Variants in ZFYVE9 observed in about 807,000 individuals in gnomAD.
ZFYVE9 encodes the protein zinc finger FYVE-type containing 9.
A neutral mutation model predicts 126.7 loss-of-function variants in ZFYVE9; 43 were observed. The ratio of observed to expected loss-of-function variants is 0.34; its 90% confidence interval spans 0.27 to 0.44. The LOEUF (loss-of-function observed/expected upper bound fraction) is 0.44. Ranked by LOEUF, ZFYVE9 falls within the 20% of genes least tolerant of loss-of-function variation. The pLI, the probability that ZFYVE9 is intolerant of heterozygous loss-of-function variation, is 1.00. For missense variants in ZFYVE9, 1,476 were observed against 1,697.0 expected (o/e 0.87, Z 2.29); for synonymous variants, 521 against 597.4 (o/e 0.87, Z 1.87).
At chr1:52,267,548 T>C (rs1381420677) in intron 6 of ZFYVE9, among the ~76,000 whole-genome samples, 1 of 152,182 alleles carries the variant, frequency 6.6e-6, no homozygotes, top group Non-Finnish European at 1.5e-5. Flanking sequence ...TCATTAATTT[T>C]ATCTTTTCAT....
chr1:52,182,920 A>G (rs1047319711), intron 1 of ZFYVE9, among the ~76,000 whole-genome samples: 1 of 152,152 alleles, frequency 6.6e-6, no homozygotes, highest in Non-Finnish European at 1.5e-5. Context: ...ACATATAACT[A>G]TAAAAAGAAT....
At chr1:52,180,601 TAA>T (rs1644689051) in intron 1 of ZFYVE9, 2 of 558,916 alleles carry the variant, frequency 3.6e-6, no homozygotes, top group Non-Finnish European at 6.4e-6. Context: ...CTGGATTTTT[TAA>T]AAAAGGATAA....
intron 1 of ZFYVE9, among the ~76,000 whole-genome samples, chr1:52,154,856 G>T (rs1350371199): frequency 6.6e-6 from 1 of 152,096 alleles, no homozygotes; most frequent in Non-Finnish European, 1.5e-5. Context: ...TTTTCAGCTT[G>T]CATTCACATA....
chr1:52,158,988 T>G (rs1467823166), intron 1 of ZFYVE9, among the ~76,000 whole-genome samples: 1 of 152,076 alleles, frequency 6.6e-6, no homozygotes, highest in Non-Finnish European at 1.5e-5. Context: ...GAGACGGGGT[T>G]TCACCATGTT....
chr1:52,238,869 A>C lies in ZFYVE9; in HGVS notation c.1452A>C (p.Gln484His), dbSNP rs753574411. ...ATGGTTGTGATTCCTATGGAATGCAAGACCCAGGTGTTTCTTTTGTTCCAA... is the reference window on the plus strand; with the variant it reads ...ATGGTTGTGATTCCTATGGAATGCACGACCCAGGTGTTTCTTTTGTTCCAA... Reference protein sequence around the residue: ...LSNGCDSYGMQDPGVSFVPKT... With the variant: ...LSNGCDSYGMHDPGVSFVPKT... The change falls in exon 4 of 19, where the codon CAA (glutamine) becomes CAC (histidine). Residue 484 changes from glutamine (Q) to histidine (H), a missense_variant. Transcript: ENST00000287727. 6.8e-6 allele frequency: 11 copies of C among 1,614,052 alleles called. No homozygotes were observed. Among genetic ancestry groups the C allele is most frequent in the Non-Finnish European group, 8.5e-6 (10 of 1,180,010 alleles).
chr1:52,276,185 C>T (rs1367909488), intron 8 of ZFYVE9, among the ~76,000 whole-genome samples: 1 of 152,070 alleles, frequency 6.6e-6, no homozygotes, highest in Non-Finnish European at 1.5e-5. Flanking sequence ...GGATTACAGG[C>T]GTGAGCTACC....
chr1:52,256,575 AC>A (rs1645521901), intron 4 of ZFYVE9, among the ~76,000 whole-genome samples: 1 of 152,168 alleles, frequency 6.6e-6, no homozygotes, highest in African/African-American at 2.4e-5. Context: ...ATGGGGTTTC[AC>A]CATGTTGGCT....
chr1:52,279,962 A>T (rs1359732382), intron 9 of ZFYVE9, among the ~76,000 whole-genome samples: 1 of 152,150 alleles, frequency 6.6e-6, no homozygotes, highest in Non-Finnish European at 1.5e-5. Context: ...CTTACTTGCT[A>T]ATCACACTCT....
At chr1:52,163,667 A>G (rs1328347395) in intron 1 of ZFYVE9, among the ~76,000 whole-genome samples, 1 of 152,158 alleles carries the variant, frequency 6.6e-6, no homozygotes, top group African/African-American at 2.4e-5. Context: ...TGTGCCATAA[A>G]TGGCCACATC....
In ZFYVE9 at chr1:52,266,695, C is replaced by A; in HGVS notation, c.2319C>A (p.Ser773Arg). 1 of 1,609,446 alleles carries A rather than the reference C, an allele frequency of 6.2e-7. No individual in the cohort carries two copies. The highest frequency in any genetic ancestry group is 8.5e-7 in the Non-Finnish European group (1 of 1,178,018). ...ACATGATGAGTGCCTCAAGCCAGAG[C>A]CCTAACCCTAACAATCCTGCTGAAT... is the stretch of plus-strand genomic sequence containing the variant. ...WENMMSASSQ[S>R]PNPNNPAEYC... The change falls in exon 6 of 19, where the codon AGC (serine) becomes AGA (arginine). Residue 773 changes from serine to arginine, a missense_variant. Ser to Arg is a moderately radical substitution (Grantham distance 110). This residue lies in a region of ZFYVE9 where 669 missense variants were observed against 902.4 expected (regional missense o/e 0.74). Transcript: ENST00000287727.
chr1:52,184,494 C>T (rs1346196750), intron 1 of ZFYVE9, among the ~76,000 whole-genome samples: 1 of 146,782 alleles, frequency 6.8e-6, no homozygotes, highest in Non-Finnish European at 1.5e-5. Context: ...GATCCACCTG[C>T]CTTTTTCTCC....
intron 13 of ZFYVE9, among the ~76,000 whole-genome samples, chr1:52,320,806 A>T (rs1163368706): frequency 6.6e-6 from 1 of 152,220 alleles, no homozygotes; most frequent in Admixed American, 6.5e-5. Flanking sequence ...GTATATGCAC[A>T]TGTCAAAATT....
chr1:52,302,720 C>T (rs912692091), intron 12 of ZFYVE9, among the ~76,000 whole-genome samples: 1 of 151,632 alleles, frequency 6.6e-6, no homozygotes, highest in African/African-American at 2.4e-5. Flanking sequence ...CACTGCACTC[C>T]AGCCTGGTTA....
At chr1:52,200,022 T>G (rs1166783765) in intron 1 of ZFYVE9, among the ~76,000 whole-genome samples, 2 of 77,566 alleles carry the variant, frequency 2.6e-5, no homozygotes, top group Non-Finnish European at 6.8e-5. Flanking sequence ...TGTTTTTTGA[T>G]CCAGTTTTTT....
At chr1:52,206,335 T>G (rs1417894917) in intron 1 of ZFYVE9, among the ~76,000 whole-genome samples, 2 of 152,184 alleles carry the variant, frequency 1.3e-5, no homozygotes, top group Non-Finnish European at 2.9e-5. Context: ...AGTATATGTG[T>G]GTATGGCGTG....
chr1:52,220,426 A>AC (rs1645113100), intron 2 of ZFYVE9, among the ~76,000 whole-genome samples: 1 of 152,144 alleles, frequency 6.6e-6, no homozygotes, highest in African/African-American at 2.4e-5. Context: ...AGTGGGTGAG[A>AC]TGGTCTACTA....
intron 1 of ZFYVE9, among the ~76,000 whole-genome samples, chr1:52,208,821 C>T (rs1321973004): frequency 6.6e-6 from 1 of 152,216 alleles, no homozygotes; most frequent in Non-Finnish European, 1.5e-5. Flanking sequence ...GCATGAACTA[C>T]CATGCCCGGC....
At chr1:52,261,329 C>G (rs1193970266) in intron 4 of ZFYVE9, among the ~76,000 whole-genome samples, 1 of 151,544 alleles carries the variant, frequency 6.6e-6, no homozygotes, top group Non-Finnish European at 1.5e-5. Flanking sequence ...CTTCAAACTC[C>G]TGGCTTCAAG....
At chr1:52,151,520 CTT>C (rs1237189041) in intron 1 of ZFYVE9, among the ~76,000 whole-genome samples, 11 of 142,132 alleles carry the variant, frequency 7.7e-5, no homozygotes, top group Admixed American at 2.8e-4. Flanking sequence ...TGTGTTTTTT[CTT>C]TTTTTTTTTT....
Sources: gnomAD v4.1 joint callset for allele counts (sites outside exome capture counted in the v4.1 genomes callset) on GRCh38, gnomAD v4.1.1 for gene constraint, gnomAD v4.1.1 regional missense constraint, MANE v1.5 for transcripts, NCBI Gene and HGNC (gene_info 2026-07-23, HGNC 2026-07-21) for gene names.